Variants in PTPRN2 observed in about 807,000 individuals in gnomAD.
PTPRN2 encodes the protein protein tyrosine phosphatase receptor type N2, also known as receptor-type tyrosine-protein phosphatase N2.
In PTPRN2, 74 loss-of-function variants were observed where a neutral mutation model predicts 118.8. The ratio of observed to expected loss-of-function variants is 0.62; its 90% CI spans 0.52 to 0.76. The LOEUF (loss-of-function observed/expected upper bound fraction) is 0.76, where lower values mean the gene tolerates loss of function less well. Among genes scored for constraint, PTPRN2 ranks in the 30% least tolerant of loss-of-function variants. The pLI is 0.00. For synonymous variants in PTPRN2, 641 were observed against 608.0 expected (o/e 1.05, Z -0.80); for missense variants, 1,481 against 1,394.4 (o/e 1.06, Z -0.99).
At chr7:157,951,712 G>A (rs1340086563) in intron 11 of PTPRN2, among the ~76,000 whole-genome samples, 2 of 152,256 alleles carry the variant, frequency 1.3e-5, no homozygotes, top group Non-Finnish European at 2.9e-5. Context: ...ATTAGCTGCT[G>A]TGCGTCCCTC....
intron 3 of PTPRN2, among the ~76,000 whole-genome samples, chr7:158,316,546 C>T (rs2151093326): frequency 6.6e-6 from 1 of 152,306 alleles, no homozygotes; most frequent in South Asian, 2.1e-4. Flanking sequence ...CGCCTGCCTA[C>T]TTTGTGCCAG....
At chr7:157,723,650 T>C (rs535487117) in intron 12 of PTPRN2, among the ~76,000 whole-genome samples, 11 of 152,328 alleles carry the variant, frequency 7.2e-5, no homozygotes, top group African/African-American at 2.6e-4. Flanking sequence ...TGCCAGCCAC[T>C]GTGGAAGTTC....
intron 2 of PTPRN2, among the ~76,000 whole-genome samples, chr7:158,414,131 T>C (rs1814436573): frequency 6.8e-6 from 1 of 148,092 alleles, no homozygotes; most frequent in Admixed American, 6.7e-5. Context: ...GGGGGAGAAC[T>C]GTGGTTCTAG....
chr7:157,641,508 A>G (rs768237631), intron 14 of PTPRN2, among the ~76,000 whole-genome samples: 14 of 152,168 alleles, frequency 9.2e-5, no homozygotes, highest in Admixed American at 5.9e-4. Context: ...ATTTTTCTTT[A>G]CGGCAGTATG....
chr7:158,152,213 G>T (rs999234290), intron 6 of PTPRN2, among the ~76,000 whole-genome samples: 1 of 145,638 alleles, frequency 6.9e-6, no homozygotes, highest in East Asian at 2.1e-4. Flanking sequence ...CAGAATATGT[G>T]GTGGTGATTG....
chr7:158,344,813 G>C (rs1463652809), intron 2 of PTPRN2, among the ~76,000 whole-genome samples: 2 of 152,202 alleles, frequency 1.3e-5, no homozygotes, highest in Non-Finnish European at 2.9e-5. Context: ...AGGGGACCCT[G>C]GCACTCCTCT....
chr7:158,334,722 C>CTCAT (rs1369055551), intron 2 of PTPRN2, among the ~76,000 whole-genome samples: 4 of 34,242 alleles, frequency 1.2e-4, no homozygotes, highest in Non-Finnish European at 1.4e-4. Context: ...GCAGACGTCA[C>CTCAT]ACCCACACTC....
At chr7:158,286,214 C>A (rs1352043739) in intron 3 of PTPRN2, among the ~76,000 whole-genome samples, 1 of 152,216 alleles carries the variant, frequency 6.6e-6, no homozygotes, top group Non-Finnish European at 1.5e-5. Flanking sequence ...TTGTATCCTG[C>A]AAATTTACTG....
At chr7:158,508,611 G>A (rs1822947530) in intron 1 of PTPRN2, among the ~76,000 whole-genome samples, 1 of 151,158 alleles carries the variant, frequency 6.6e-6, no homozygotes, top group Non-Finnish European at 1.5e-5. Flanking sequence ...TCGGGGCAAC[G>A]TGGGACGCTC....
At chr7:158,286,847 C>T (rs548312056) in intron 3 of PTPRN2, among the ~76,000 whole-genome samples, 3 of 152,232 alleles carry the variant, frequency 2.0e-5, no homozygotes, top group East Asian at 1.9e-4. Context: ...TTTGGTATCA[C>T]GGTAGTGCTG....
At chr7:158,337,389 G>C (rs376825327) in intron 2 of PTPRN2, among the ~76,000 whole-genome samples, 533 of 57,498 alleles carry the variant, frequency 9.3e-3, no homozygotes, top group Middle Eastern at 0.016. Context: ...ACCATAAGAG[G>C]TAACACCTGC....
intron 6 of PTPRN2, among the ~76,000 whole-genome samples, chr7:158,146,309 C>A (rs552423038): frequency 6.6e-6 from 1 of 152,108 alleles, no homozygotes; most frequent in Non-Finnish European, 1.5e-5. Flanking sequence ...AAATATGAAC[C>A]TCTCATTAAA....
chr7:157,835,775 C>T (rs1038293283), intron 12 of PTPRN2, among the ~76,000 whole-genome samples: 4 of 152,114 alleles, frequency 2.6e-5, no homozygotes, highest in Admixed American at 2.6e-4. Flanking sequence ...ATTACAACCA[C>T]CAGAAATGAT....
At chr7:157,814,439 G>A (rs908301352) in intron 12 of PTPRN2, among the ~76,000 whole-genome samples, 6 of 151,870 alleles carry the variant, frequency 4.0e-5, no homozygotes, top group Non-Finnish European at 7.4e-5. Context: ...GGGGCAGGAC[G>A]GGAGCAGGAT....
chr7:158,121,611 C>T (rs898489335), intron 9 of PTPRN2, among the ~76,000 whole-genome samples: 17 of 152,188 alleles, frequency 1.1e-4, no homozygotes, highest in African/African-American at 3.1e-4. Flanking sequence ...GGCTCCACCA[C>T]GAATCCTGGG....
intron 12 of PTPRN2, among the ~76,000 whole-genome samples, chr7:157,812,339 G>A (rs979841695): frequency 1.3e-5 from 2 of 152,184 alleles, no homozygotes; most frequent in South Asian, 2.1e-4. Context: ...CACCTGTTTC[G>A]CTTTTTGTCT....
At chr7:157,947,279 G>C (rs541720903) in intron 11 of PTPRN2, among the ~76,000 whole-genome samples, 9 of 152,190 alleles carry the variant, frequency 5.9e-5, no homozygotes, top group Non-Finnish European at 1.5e-5. Context: ...CAAGTAAGCT[G>C]ACAAAAATGG....
intron 3 of PTPRN2, among the ~76,000 whole-genome samples, chr7:158,285,906 C>T (rs770448939): frequency 6.6e-6 from 1 of 152,130 alleles, no homozygotes; most frequent in Non-Finnish European, 1.5e-5. Context: ...GAGCTCCACA[C>T]ACCTCTGAGG....
At chr7:158,370,059 T>C (rs1185410107) in intron 2 of PTPRN2, among the ~76,000 whole-genome samples, 1 of 151,684 alleles carries the variant, frequency 6.6e-6, no homozygotes, top group Non-Finnish European at 1.5e-5. Context: ...CTACAGACGA[T>C]GGGAACGAGG....
Sources: gnomAD v4.1 joint callset for allele counts (sites outside exome capture counted in the v4.1 genomes callset) on GRCh38, gnomAD v4.1.1 for gene constraint, MANE v1.5 for transcripts, NCBI Gene and HGNC (gene_info 2026-07-23, HGNC 2026-07-21) for gene names.